The following HDAC4 variants were observed in gnomAD, a reference collection of about 807,000 sequenced individuals.
HDAC4 encodes the protein histone deacetylase 4.
HDAC4 carries 16 observed loss-of-function variants against 135.1 expected under a neutral mutation model. The observed-to-expected ratio is 0.12, with a 90% CI of 0.08 to 0.18. The LOEUF (loss-of-function observed/expected upper bound fraction) is 0.18. Ranked by LOEUF, HDAC4 falls within the 10% of genes least tolerant of loss-of-function variation. The pLI is 1.00. For synonymous variants in HDAC4, 685 were observed against 653.4 expected, an observed-to-expected ratio of 1.05 and a Z score of -0.74; for missense variants, 1,143 against 1,511.8, an observed-to-expected ratio of 0.76 and a Z score of 4.05.
chr2:239,272,059 CT>C (rs2050088695), intron 2 of HDAC4, among the ~76,000 whole-genome samples: 1 of 152,222 alleles, frequency 6.6e-6, no homozygotes, highest in Admixed American at 6.5e-5. Flanking sequence ...TACTTGGCCA[CT>C]TTCCCACGGA....
At position 239,347,808 on chromosome 2, in the gene HDAC4, C is replaced by A. The variant is rs570623220; in HGVS notation, c.22+4870G>T. ...AGGATTACAGGTTTGAGCCACCGCA[C>A]CCGGCCACTTATTTTGTTTTGAACT... is the stretch of plus-strand genomic sequence containing the variant. On this transcript the variant is annotated intron_variant, in intron 2 of 26. Transcript: ENST00000543185. Among the ~76,000 whole-genome samples, 24 of 152,334 alleles carry A rather than the reference C, an allele frequency of 1.6e-4. No homozygotes were observed. In the South Asian group the frequency reaches 4.8e-3, roughly 30 times the overall value.
chr2:239,116,093 G>A (rs974535997), intron 12 of HDAC4, among the ~76,000 whole-genome samples: 1 of 152,096 alleles, frequency 6.6e-6, no homozygotes, highest in Non-Finnish European at 1.5e-5. Context: ...CTCTCAGTGC[G>A]GAACAGGCGG....
intron 2 of HDAC4, among the ~76,000 whole-genome samples, chr2:239,300,891 G>T (rs989170164): frequency 6.6e-6 from 1 of 152,256 alleles, no homozygotes; most frequent in Non-Finnish European, 1.5e-5. Context: ...CGCAGTGCCA[G>T]GAAGGGCTGC....
In HDAC4 at chr2:239,156,729, C is replaced by A. The variant is rs2042447297; in HGVS notation, c.656G>T (p.Ser219Ile). Residue 219 changes from serine to isoleucine, a missense_variant, in exon 7 of 27, where the codon AGC becomes ATC. Coordinates refer to ENST00000543185, the MANE Select transcript of HDAC4 (RefSeq NM_001378414.1). The part of the protein sequence containing the change: ...SSLDQSSPPQ[S>I]GVSTSYNHPV... ...GTGGTTATAGGAGGTCGACACTCCGCTCTGGGGTGGAGAACTCTGGTCAAG... is the reference window on the plus strand; with the variant it reads ...GTGGTTATAGGAGGTCGACACTCCGATCTGGGGTGGAGAACTCTGGTCAAG... 6.2e-7 allele frequency: 1 copy of A among 1,614,044 alleles called. No homozygotes were observed. The highest frequency in any genetic ancestry group is 8.5e-7 in the Non-Finnish European group (1 of 1,180,038).
intron 1 of HDAC4, among the ~76,000 whole-genome samples, chr2:239,380,350 TATAA>T (rs760568705): frequency 5.9e-5 from 9 of 152,226 alleles, no homozygotes; most frequent in Non-Finnish European, 1.3e-4. Flanking sequence ...ATACATATGT[TATAA>T]ATACACATTT....
chr2:239,061,137 TGTGA>T (rs77552780), intron 24 of HDAC4, among the ~76,000 whole-genome samples: 17,468 of 151,538 alleles, frequency 0.12, 1,284 homozygotes, highest in Non-Finnish European at 0.17. Context: ...TGTGACTGAG[TGTGA>T]GTGTGTGGTG....
At chr2:239,378,757 C>T (rs529233660) in intron 1 of HDAC4, among the ~76,000 whole-genome samples, 95 of 152,312 alleles carry the variant, frequency 6.2e-4, no homozygotes, top group African/African-American at 2.1e-3. Flanking sequence ...CCAATGACCC[C>T]GGCATGTCCT....
At chr2:239,130,008 T>C (rs1444627558) in intron 11 of HDAC4, among the ~76,000 whole-genome samples, 1 of 152,228 alleles carries the variant, frequency 6.6e-6, no homozygotes. Context: ...AGGTGATGAA[T>C]TCACATGAGA....
chr2:239,279,736 C>T (rs748720579), intron 2 of HDAC4, among the ~76,000 whole-genome samples: 14 of 152,200 alleles, frequency 9.2e-5, no homozygotes, highest in South Asian at 2.1e-4. Flanking sequence ...AGGCCAGGCC[C>T]GCAGGGGGCA....
intron 2 of HDAC4, among the ~76,000 whole-genome samples, chr2:239,334,519 T>C (rs903890555): frequency 3.4e-5 from 3 of 89,318 alleles, no homozygotes; most frequent in Non-Finnish European, 7.1e-5. Context: ...AGACTCCATC[T>C]CAAAACAAAC....
At position 239,290,656 on chromosome 2, in the gene HDAC4, T is replaced by C. The variant is rs558480750; in HGVS notation, c.23-53992A>G. Reference sequence around the variant, plus strand: ...ACATGTACGCACACACAACCACACATGCGCGCACGCATGCATTCAGTTCGC... The same window carrying C: ...ACATGTACGCACACACAACCACACACGCGCGCACGCATGCATTCAGTTCGC... On this transcript the variant is annotated intron_variant, in intron 2 of 26. Transcript: ENST00000543185. Among the ~76,000 whole-genome samples, 3 of 151,934 alleles carry C rather than the reference T, an allele frequency of 2.0e-5. No individual in the cohort carries two copies. In the East Asian group the frequency reaches 5.8e-4, roughly 29 times the overall value.
At chr2:239,226,670 G>T (rs1048360377) in intron 3 of HDAC4, among the ~76,000 whole-genome samples, 1 of 152,154 alleles carries the variant, frequency 6.6e-6, no homozygotes, top group African/African-American at 2.4e-5. Flanking sequence ...TGTAATGGGG[G>T]GGGTGATAAA....
In HDAC4 at chr2:239,144,614, A is replaced by G. The variant is rs1248638391; in HGVS notation, c.834T>C (p.Thr278=). 1 of 1,614,198 alleles carries G rather than the reference A, an allele frequency of 6.2e-7. No individual in the cohort carries two copies. Among genetic ancestry groups the G allele is most frequent in the Admixed American group, 1.7e-5 (1 of 60,028 alleles). Residue 278 remains threonine, a synonymous_variant, in exon 8 of 27, where the codon ACT becomes ACC. Coordinates refer to ENST00000543185, the MANE Select transcript of HDAC4 (RefSeq NM_001378414.1). ...CATCCAACGGACGCTTTTTTAGAGC[A>G]GTGACCACTGGCCCGTCTTTCCTGC... The part of the protein sequence containing the change: ...LLRRKDGPVV[T]ALKKRPLDVT...
chr2:239,158,159 G>T (rs546653885), intron 6 of HDAC4, among the ~76,000 whole-genome samples: 1 of 151,924 alleles, frequency 6.6e-6, no homozygotes, highest in Non-Finnish European at 1.5e-5. Context: ...TCTACCCCTC[G>T]TCTCACAATC....
At chr2:239,109,158 G>A (rs2038437516) in intron 14 of HDAC4, among the ~76,000 whole-genome samples, 1 of 152,266 alleles carries the variant, frequency 6.6e-6, no homozygotes, top group African/African-American at 2.4e-5. Flanking sequence ...GCCGGGACAT[G>A]TCTGTGCTGC....
At chr2:239,205,686 AGAGGAGGAG>A (rs142632861) in intron 3 of HDAC4, among the ~76,000 whole-genome samples, 11 of 151,706 alleles carry the variant, frequency 7.3e-5, no homozygotes, top group Non-Finnish European at 1.2e-4. Context: ...AGAAGAAGGA[AGAGGAGGAG>A]GAGGAGGAGG....
chr2:239,186,771 A>G (rs555439645), intron 4 of HDAC4: 7 of 152,424 alleles, frequency 4.6e-5, no homozygotes, highest in Admixed American at 1.3e-4. Context: ...GGGGTTCTGG[A>G]GGTGAGACCT....
chr2:239,085,743 G>A (rs2035871592), intron 19 of HDAC4: 3 of 151,894 alleles, frequency 2.0e-5, no homozygotes, highest in Non-Finnish European at 4.4e-5. Flanking sequence ...TCTAACACGC[G>A]GATCTGACTA....
intron 7 of HDAC4, among the ~76,000 whole-genome samples, chr2:239,145,828 T>A (rs766096351): frequency 1.6e-4 from 25 of 152,194 alleles, no homozygotes; most frequent in Non-Finnish European, 3.2e-4. Context: ...AGGACTGATG[T>A]GGCTGGGCGA....
Sources: gnomAD v4.1 joint callset for allele counts (sites outside exome capture counted in the v4.1 genomes callset) on GRCh38, gnomAD v4.1.1 for gene constraint, MANE v1.5 for transcripts, NCBI Gene and HGNC (gene_info 2026-07-23, HGNC 2026-07-21) for gene names.